Variants in PLEKHM3 observed in about 807,000 individuals in gnomAD.
PLEKHM3 encodes the protein pleckstrin homology domain containing M3.
In PLEKHM3, 45 loss-of-function variants were observed where a neutral mutation model predicts 81.8. The observed-to-expected ratio is 0.55, with a 90% CI of 0.43 to 0.71. The LOEUF is 0.71. Among genes scored for constraint, PLEKHM3 ranks in the 30% least tolerant of loss-of-function variants. The probability of loss-of-function intolerance (pLI) is 0.00; values close to 1 mark genes in which losing one functional copy is unlikely to be tolerated. For missense variants in PLEKHM3, 788 were observed against 924.3 expected (o/e 0.85, Z 1.91); for synonymous variants, 352 against 356.4 (o/e 0.99, Z 0.14).
chr2:207,982,578 CT>C (rs34116964), intron 2 of PLEKHM3, among the ~76,000 whole-genome samples: 60,136 of 128,880 alleles, frequency 0.47, 13,631 homozygotes, highest in Non-Finnish European at 0.56. Context: ...CATTGATTTT[CT>C]TTTTTTTTTT....
intron 4 of PLEKHM3, among the ~76,000 whole-genome samples, chr2:207,944,535 T>C (rs545031651): frequency 6.6e-6 from 1 of 152,320 alleles, no homozygotes; most frequent in East Asian, 1.9e-4. Flanking sequence ...ATCACCCCTA[T>C]TTTCTCTACG....
At chr2:207,951,084 A>G (rs996951786) in intron 3 of PLEKHM3, among the ~76,000 whole-genome samples, 12 of 152,244 alleles carry the variant, frequency 7.9e-5, no homozygotes, top group African/African-American at 2.9e-4. Flanking sequence ...TTCCTTTACT[A>G]TCAGAGTAGC....
At chr2:207,855,325 A>G (rs558635644) in intron 7 of PLEKHM3, among the ~76,000 whole-genome samples, 1 of 152,348 alleles carries the variant, frequency 6.6e-6, no homozygotes, top group African/African-American at 2.4e-5. Context: ...AAGCTGGGAC[A>G]GTCTGAACAA....
chr2:207,957,875 A>G (rs1574443252), intron 3 of PLEKHM3, among the ~76,000 whole-genome samples: 1 of 152,356 alleles, frequency 6.6e-6, no homozygotes, highest in East Asian at 1.9e-4. Context: ...TGTTGTCCCA[A>G]CAGGGGATAT....
intron 1 of PLEKHM3, among the ~76,000 whole-genome samples, chr2:208,008,672 T>A (rs1692588918): frequency 6.6e-6 from 1 of 152,226 alleles, no homozygotes. Flanking sequence ...AGTCCTTAAA[T>A]TCCTTGTGCT....
intron 7 of PLEKHM3, among the ~76,000 whole-genome samples, chr2:207,845,544 C>T (rs570628056): frequency 1.3e-5 from 2 of 152,324 alleles, no homozygotes; most frequent in Non-Finnish European, 2.9e-5. Context: ...TCATCTCTCT[C>T]CTGACATTAA....
At chr2:208,012,566 C>T (rs891609808) in intron 1 of PLEKHM3, among the ~76,000 whole-genome samples, 1 of 152,192 alleles carries the variant, frequency 6.6e-6, no homozygotes, top group African/African-American at 2.4e-5. Flanking sequence ...AGGCTGAATC[C>T]AACCCCTCAG....
chr2:208,012,347 A>G (rs1242086000), intron 1 of PLEKHM3, among the ~76,000 whole-genome samples: 2 of 152,226 alleles, frequency 1.3e-5, no homozygotes, highest in African/African-American at 2.4e-5. Context: ...AGGTGAGTAA[A>G]GTAATGGGAC....
chr2:207,844,575 G>A (rs1308335573), intron 7 of PLEKHM3, among the ~76,000 whole-genome samples: 4 of 152,032 alleles, frequency 2.6e-5, no homozygotes, highest in Admixed American at 6.6e-5. Context: ...CAAAGTGCTG[G>A]GATTACAGGC....
chr2:207,930,558 A>G (rs1182964710), intron 5 of PLEKHM3, among the ~76,000 whole-genome samples: 3 of 152,206 alleles, frequency 2.0e-5, no homozygotes, highest in Non-Finnish European at 2.9e-5. Context: ...GATGAGAAAC[A>G]GGAATTGAAA....
intron 4 of PLEKHM3, among the ~76,000 whole-genome samples, chr2:207,940,308 A>C (rs1308996455): frequency 2.6e-5 from 4 of 152,232 alleles, no homozygotes; most frequent in Admixed American, 2.6e-4. Flanking sequence ...CCCAATTCAC[A>C]CAACTCTTTT....
At chr2:207,996,016 C>T (rs1405050264) in intron 2 of PLEKHM3, among the ~76,000 whole-genome samples, 3 of 152,200 alleles carry the variant, frequency 2.0e-5, no homozygotes, top group Admixed American at 6.5e-5. Context: ...AGTGATCTCA[C>T]CAGGCTTTGT....
At chr2:207,955,281 T>C (rs1456206115) in intron 3 of PLEKHM3, among the ~76,000 whole-genome samples, 6 of 152,314 alleles carry the variant, frequency 3.9e-5, no homozygotes, top group African/African-American at 1.2e-4. Context: ...TTCTAGTATA[T>C]TGAAATCAGT....
rs77849456 is a variant in PLEKHM3, at chr2:207,884,675, T to C, written c.1951-23413A>G. On this transcript the variant is annotated intron_variant, in intron 6 of 7. Transcript: ENST00000427836. The stretch of plus-strand genomic sequence containing the variant: ...ACATTCTTCATTTTCAACATAAAGA[T>C]GATGTATCTATATTTTATTAATAGA... 2.1e-4 allele frequency among the ~76,000 whole-genome samples: 32 copies of C among 152,342 alleles called. No homozygotes were observed. The East Asian group carries it at 6.2e-3, about 29-fold the overall frequency.
chr2:207,928,616 C>T (rs1689486532), intron 5 of PLEKHM3, among the ~76,000 whole-genome samples: 1 of 152,238 alleles, frequency 6.6e-6, no homozygotes, highest in Non-Finnish European at 1.5e-5. Flanking sequence ...GCCGGAAGGG[C>T]AGGGTATTTG....
intron 7 of PLEKHM3, among the ~76,000 whole-genome samples, chr2:207,837,928 G>T (rs1318555264): frequency 2.0e-5 from 3 of 150,454 alleles, no homozygotes; most frequent in Non-Finnish European, 4.4e-5. Context: ...CCACCACCAC[G>T]CCCGGCTAAT....
At chr2:207,937,589 T>C (rs1689798377) in intron 4 of PLEKHM3, among the ~76,000 whole-genome samples, 1 of 150,742 alleles carries the variant, frequency 6.6e-6, no homozygotes, top group Non-Finnish European at 1.5e-5. Context: ...AAAAAAAAAT[T>C]CCAAGGCATT....
intron 6 of PLEKHM3, among the ~76,000 whole-genome samples, chr2:207,889,650 G>C (rs193224500): frequency 1.2e-3 from 177 of 152,216 alleles, no homozygotes; most frequent in African/African-American, 4.0e-3. Flanking sequence ...ACTGGAAGAG[G>C]TGGGGGTGGA....
intron 2 of PLEKHM3, among the ~76,000 whole-genome samples, chr2:207,992,703 C>A (rs868770548): frequency 1.3e-5 from 2 of 151,580 alleles, no homozygotes; most frequent in Non-Finnish European, 2.9e-5. Context: ...GTAAAATGTG[C>A]CATGGGAACA....
Sources: gnomAD v4.1 joint callset for allele counts (sites outside exome capture counted in the v4.1 genomes callset) on GRCh38, gnomAD v4.1.1 for gene constraint, MANE v1.5 for transcripts, NCBI Gene and HGNC (gene_info 2026-07-23, HGNC 2026-07-21) for gene names.